The following CLNK variants were observed in gnomAD, a reference collection of about 807,000 sequenced individuals.
CLNK encodes the protein cytokine-dependent hematopoietic cell linker.
CLNK carries 74 observed loss-of-function variants against 68.6 expected under a neutral mutation model. The ratio of observed to expected loss-of-function variants is 1.08; its 90% CI spans 0.89 to 1.31. CLNK has a LOEUF of 1.31. CLNK is among the 50% of genes most tolerant of loss of function. The probability of loss-of-function intolerance (pLI) is 0.00; values close to 1 mark genes in which losing one functional copy is unlikely to be tolerated. For missense variants in CLNK, 553 were observed against 515.3 expected, an observed-to-expected ratio of 1.07 and a Z score of -0.71; for synonymous variants, 198 against 172.2, an observed-to-expected ratio of 1.15 and a Z score of -1.17.
the CLNK span, among the ~76,000 whole-genome samples, chr4:10,703,893 C>G: frequency 6.6e-6 from 1 of 152,134 alleles, no homozygotes; most frequent in Non-Finnish European, 1.5e-5. Flanking sequence ...TATATGCAGT[C>G]TGTTGTTGAC....
At chr4:10,504,738 T>A (rs1382147968) in intron 17 of CLNK, among the ~76,000 whole-genome samples, 1 of 152,112 alleles carries the variant, frequency 6.6e-6, no homozygotes, top group Admixed American at 6.5e-5. Flanking sequence ...AAGTTTTGGG[T>A]TTGTCCTCTT....
intron 2 of CLNK, chr4:10,635,822 G>A (rs2108871764): frequency 6.6e-6 from 1 of 152,330 alleles, no homozygotes; most frequent in East Asian, 1.9e-4. Context: ...TTGGGGTTGA[G>A]AGGAATGCCT....
chr4:10,699,201 A>C, the CLNK span, among the ~76,000 whole-genome samples: 1 of 115,062 alleles, frequency 8.7e-6, no homozygotes, highest in Admixed American at 9.0e-5. Flanking sequence ...TGTCTCTTAA[A>C]CACACACATA....
chr4:10,699,268 C>CACACACACACCACGTGTGTGTGTAT, the CLNK span, among the ~76,000 whole-genome samples: 1 of 32,380 alleles, frequency 3.1e-5, no homozygotes, highest in Non-Finnish European at 7.5e-5. Context: ...TGTGTATACA[C>CACACACACACCACGTGTGTGTGTAT]ACACACACAC....
intron 6 of CLNK, 100 bp downstream of exon 6, chr4:10,565,909 A>T: frequency 1.5e-6 from 2 of 1,321,182 alleles, no homozygotes; most frequent in Non-Finnish European, 2.1e-6. Context: ...GCAGACGTTA[A>T]CCTAGGGTTG....
intron 7 of CLNK, among the ~76,000 whole-genome samples, chr4:10,562,911 C>T (rs776958869): frequency 9.2e-5 from 14 of 152,256 alleles, no homozygotes; most frequent in African/African-American, 2.2e-4. Context: ...TGGTGGTTCA[C>T]GGATATGTCT....
At chr4:10,699,466 GTC>G in the CLNK span, among the ~76,000 whole-genome samples, 758 of 60,520 alleles carry the variant, frequency 0.013, 18 homozygotes, top group African/African-American at 0.032. Context: ...CATCCTCTCT[GTC>G]TCTCTCTCTC....
chr4:10,589,102 T>A (rs1426938019), intron 3 of CLNK, among the ~76,000 whole-genome samples: 1 of 152,230 alleles, frequency 6.6e-6, no homozygotes, highest in Non-Finnish European at 1.5e-5. Context: ...TCTTGAAGTA[T>A]ACACACTTAA....
chr4:10,630,073 G>A (rs990083797), intron 2 of CLNK, among the ~76,000 whole-genome samples: 3 of 152,162 alleles, frequency 2.0e-5, no homozygotes, highest in African/African-American at 7.2e-5. Flanking sequence ...TAAGAATAAT[G>A]AAGGGATATA....
At chr4:10,494,180 G>A (rs1716709593) in intron 18 of CLNK, among the ~76,000 whole-genome samples, 2 of 152,086 alleles carry the variant, frequency 1.3e-5, no homozygotes, top group Admixed American at 1.3e-4. Context: ...AACAAAAAGT[G>A]AATAACAACC....
chr4:10,690,281 A>C, the CLNK span, among the ~76,000 whole-genome samples: 1 of 152,166 alleles, frequency 6.6e-6, no homozygotes, highest in Non-Finnish European at 1.5e-5. Context: ...AGGACAGAAG[A>C]ACCCAACATG....
the CLNK span, among the ~76,000 whole-genome samples, chr4:10,732,739 A>AG: frequency 1.3e-5 from 2 of 151,664 alleles, no homozygotes; most frequent in East Asian, 1.9e-4. Context: ...AAAAAAAAAA[A>AG]GCCTTATCTT....
chr4:10,730,802 G>A, the CLNK span, among the ~76,000 whole-genome samples: 3 of 152,058 alleles, frequency 2.0e-5, no homozygotes, highest in African/African-American at 7.2e-5. Context: ...CAGTGTATGA[G>A]GGTTTTTTTT....
rs1378615050 is a variant in CLNK at position 10,523,507 on chromosome 4, G to T, written c.731+2334C>A. The stretch of plus-strand genomic sequence containing the variant: ...CTCTGACGAATACCAACATTTGGAG[G>T]TCAGTTTGGGAAAAAGTCCAAGATG... On this transcript the variant is annotated intron_variant, in intron 14 of 18. Coordinates refer to ENST00000226951, the MANE Select transcript of CLNK (RefSeq NM_052964.4). Among the ~76,000 whole-genome samples the T allele has an allele frequency of 3.3e-5, 5 of 152,180 alleles. No individual in the cohort carries two copies. In the East Asian group the frequency reaches 9.6e-4, roughly 29 times the overall value.
At chr4:10,582,567 G>A (rs777021461) in intron 4 of CLNK, among the ~76,000 whole-genome samples, 2 of 152,086 alleles carry the variant, frequency 1.3e-5, no homozygotes, top group African/African-American at 2.4e-5. Context: ...AAACTCATGA[G>A]TTTATTTTAT....
At chr4:10,507,877 T>C in intron 17 of CLNK, 82 bp downstream of exon 17, 1 of 1,008,700 alleles carries the variant, frequency 9.9e-7, no homozygotes, top group Non-Finnish European at 1.5e-6. Flanking sequence ...AGCAAGCTGC[T>C]TGTTACGTCT....
intron 5 of CLNK, among the ~76,000 whole-genome samples, chr4:10,568,643 C>T (rs1331754991): frequency 6.6e-6 from 1 of 152,202 alleles, no homozygotes; most frequent in Admixed American, 6.5e-5. Context: ...GATTTGACAA[C>T]AGCCAGCCAG....
intron 17 of CLNK, among the ~76,000 whole-genome samples, chr4:10,506,375 C>T (rs1717294950): frequency 6.6e-6 from 1 of 152,068 alleles, no homozygotes; most frequent in African/African-American, 2.4e-5. Flanking sequence ...GAGATGCAGC[C>T]CCTGGCAGCC....
intron 2 of CLNK, among the ~76,000 whole-genome samples, chr4:10,626,869 C>A (rs762782585): frequency 1.3e-5 from 2 of 152,164 alleles, no homozygotes; most frequent in Non-Finnish European, 2.9e-5. Context: ...CCTTTCACTA[C>A]CTTTGTGTTC....
Sources: allele counts gnomAD v4.1 joint callset (sites outside exome capture counted in the v4.1 genomes callset), GRCh38; gene constraint gnomAD v4.1.1; transcripts MANE v1.5; gene names NCBI Gene and HGNC (gene_info 2026-07-23, HGNC 2026-07-21).